CRYBG1: variants seen among roughly 807,000 people sequenced by gnomAD.
CRYBG1 encodes the protein beta/gamma crystallin domain-containing protein 1.
A neutral mutation model predicts 189.2 loss-of-function variants in CRYBG1; 139 were observed. The observed-to-expected ratio is 0.73, with a 90% confidence interval of 0.64 to 0.85. CRYBG1 has a LOEUF of 0.85. Among genes scored for constraint, CRYBG1 ranks in the 40% least tolerant of loss-of-function variants. CRYBG1 has a pLI of 0.00. For synonymous variants in CRYBG1, 1,023 were observed against 1,017.1 expected (o/e 1.01, Z -0.11); for missense variants, 2,611 against 2,675.8 (o/e 0.98, Z 0.53).
chr6:106,548,219 T>G, intron 13 of CRYBG1, among the ~76,000 whole-genome samples: 1 of 152,074 alleles, frequency 6.6e-6, no homozygotes, highest in East Asian at 1.9e-4. Flanking sequence ...GAGCCCCAAG[T>G]GTAAGTTGTA....
intron 2 of CRYBG1, among the ~76,000 whole-genome samples, chr6:106,480,536 A>G (rs936420025): frequency 6.0e-5 from 9 of 151,210 alleles, no homozygotes; most frequent in Admixed American, 5.3e-4. Flanking sequence ...GCATGGTGGC[A>G]TGCACCTGTA....
rs572230369 is a variant in CRYBG1 at position 106,555,070 on chromosome 6, C to A, written c.5586-698C>A. Among the ~76,000 whole-genome samples the A allele has an allele frequency of 2.7e-3, 415 of 151,626 alleles. 4 individuals are homozygous for A. Among genetic ancestry groups the A allele is most frequent in the African/African-American group, 9.6e-3 (395 of 41,286 alleles). On this transcript the variant is annotated intron_variant, in intron 16 of 21. Coordinates refer to ENST00000633556, the MANE Select transcript of CRYBG1 (RefSeq NM_001371242.2). ...GTCCCAGCTACTCAGGAGGATGAGG[C>A]AGAAGAATTGCTTGAACCCAGGAGG...
chr6:106,480,968 CTTTTTT>C lies in CRYBG1; in HGVS notation c.312+29155_312+29160del, dbSNP rs1246958312. ...CCTGGGTGACAGAGTGAGACTCTGT[CTTTTTT>C]TTTTTTTTTTTTTTTTTTAGACGGA... On this transcript the variant is annotated intron_variant, in intron 2 of 21. Coordinates refer to ENST00000633556, the MANE Select transcript of CRYBG1 (RefSeq NM_001371242.2). 2.1e-4 allele frequency among the ~76,000 whole-genome samples: 3 copies of C among 14,118 alleles called. 1 individual carries two copies. Among genetic ancestry groups the C allele is most frequent in the African/African-American group, 3.7e-4 (1 of 2,688 alleles). The allele number at this position is 14,118 out of a possible 152,430, so 9.3% of individuals were successfully genotyped here. A position where few individuals can be genotyped will look rare whatever the true frequency, so the allele number is the denominator to read the frequency against.
chr6:106,524,844 A>G (rs1446439194), intron 4 of CRYBG1, among the ~76,000 whole-genome samples: 1 of 152,238 alleles, frequency 6.6e-6, no homozygotes, highest in Non-Finnish European at 1.5e-5. Flanking sequence ...TATTCTGTGA[A>G]CTGACATGAA....
intron 2 of CRYBG1, among the ~76,000 whole-genome samples, chr6:106,500,315 A>C (rs898731005): frequency 2.0e-5 from 3 of 152,000 alleles, no homozygotes; most frequent in Non-Finnish European, 4.4e-5. Flanking sequence ...ATCCTCATCA[A>C]CACTTATCTT....
In CRYBG1 at chr6:106,543,537, C is replaced by A. The variant is rs572684440; in HGVS notation, c.4979C>A (p.Ala1660Glu). 1 of 1,613,986 alleles carries A rather than the reference C, an allele frequency of 6.2e-7. No individual in the cohort carries two copies. The highest frequency in any genetic ancestry group is 8.5e-7 in the Non-Finnish European group (1 of 1,179,926). ...FVMEGGETEE[A>E]TGDDHLPFTS... ...ATGGAGGGAGGTGAAACAGAAGAGG[C>A]GACTGGAGACGATCATTTGCCGTTT... Residue 1660 changes from alanine to glutamate, a missense_variant, in exon 11 of 22, where the codon GCG (alanine) becomes GAG (glutamate). Physicochemically the swap from Ala to Glu is moderately radical, Grantham distance 107. Transcript: ENST00000633556.
chr6:106,553,162 T>G (rs1202496184), intron 15 of CRYBG1, among the ~76,000 whole-genome samples: 8 of 152,224 alleles, frequency 5.3e-5, no homozygotes, highest in Non-Finnish European at 2.9e-5. Context: ...CTGACCACAA[T>G]AAAGCTTTAA....
At chr6:106,557,691 C>T (rs1269375322) in intron 17 of CRYBG1, among the ~76,000 whole-genome samples, 2 of 152,324 alleles carry the variant, frequency 1.3e-5, no homozygotes, top group Non-Finnish European at 1.5e-5. Context: ...CCTCGGCCTC[C>T]CAAAGTGCTG....
intron 2 of CRYBG1, among the ~76,000 whole-genome samples, 162 bp downstream of exon 2, chr6:106,451,994 A>G (rs1210771489): frequency 2.0e-5 from 3 of 148,340 alleles, no homozygotes; most frequent in Non-Finnish European, 3.0e-5. Flanking sequence ...TATAATATGT[A>G]TTCTGTAATT....
chr6:106,541,099 T>C (rs1465038878), intron 9 of CRYBG1: 1 of 345,246 alleles, frequency 2.9e-6, no homozygotes, highest in African/African-American at 2.2e-5. Context: ...CAAAATCAAA[T>C]ACCTTCAGGG....
At chr6:106,545,575 C>T (rs571508385) in intron 13 of CRYBG1, among the ~76,000 whole-genome samples, 18 of 152,348 alleles carry the variant, frequency 1.2e-4, no homozygotes, top group African/African-American at 4.3e-4. Flanking sequence ...CAAACACTAT[C>T]AGAACTTAGT....
intron 17 of CRYBG1, 126 bp downstream of exon 17, chr6:106,556,023 C>A: frequency 9.3e-7 from 1 of 1,076,510 alleles, no homozygotes; most frequent in Non-Finnish European, 1.4e-6. Flanking sequence ...TGGAACTGTC[C>A]ATTTGGCTCT....
Position 106,512,401 on chromosome 6 carries a change from C to T in CRYBG1, c.1284C>T (p.Thr428=). ...SGRRRGSQKS[T]DSPGADAELP... ...GGCGGAGGGGGTCGCAGAAATCCACCGACTCCCCCGGCGCGGACGCCGAGC... is the reference window on the plus strand; with the variant it reads ...GGCGGAGGGGGTCGCAGAAATCCACTGACTCCCCCGGCGCGGACGCCGAGC... Residue 428 remains threonine (T), a synonymous_variant, in exon 3 of 22, where the codon ACC becomes ACT. Transcript: ENST00000633556. The T allele has an allele frequency of 1.2e-6, 2 of 1,608,902 alleles. No individual in the cohort carries two copies. The highest frequency in any genetic ancestry group is 8.5e-7 in the Non-Finnish European group (1 of 1,178,410).
chr6:106,430,712 C>T (rs56307966), intron 1 of CRYBG1, among the ~76,000 whole-genome samples: 10,301 of 151,876 alleles, frequency 0.068, 436 homozygotes, highest in East Asian at 0.17. Context: ...AGTTTCTTCC[C>T]ATATTATCTC....
intron 3 of CRYBG1, among the ~76,000 whole-genome samples, chr6:106,517,439 CATATATAT>C (rs758727692): frequency 7.3e-6 from 1 of 136,932 alleles, no homozygotes; most frequent in Non-Finnish European, 1.5e-5. Context: ...TACACACACA[CATATATAT>C]ACACACATAT....
At chr6:106,554,339 T>C (rs1209460166) in intron 16 of CRYBG1, among the ~76,000 whole-genome samples, 1 of 152,158 alleles carries the variant, frequency 6.6e-6, no homozygotes, top group Non-Finnish European at 1.5e-5. Context: ...GGAGGCCGGG[T>C]GCAGTGGCTC....
intron 1 of CRYBG1, among the ~76,000 whole-genome samples, chr6:106,433,176 G>GT (rs1379024465): frequency 6.6e-6 from 1 of 151,824 alleles, no homozygotes; most frequent in Non-Finnish European, 1.5e-5. Context: ...ATCGCTCTCT[G>GT]TTTTTACAAA....
At chr6:106,408,596 T>A (rs1344303467) in intron 1 of CRYBG1, among the ~76,000 whole-genome samples, 4 of 152,200 alleles carry the variant, frequency 2.6e-5, no homozygotes, top group Non-Finnish European at 4.4e-5. Flanking sequence ...ATATCCCTGA[T>A]GAACATTGAT....
intron 1 of CRYBG1, among the ~76,000 whole-genome samples, chr6:106,362,971 C>T (rs1196817060): frequency 6.6e-6 from 1 of 151,978 alleles, no homozygotes; most frequent in Non-Finnish European, 1.5e-5. Context: ...GGAGGCCGGG[C>T]GCGGTGGCTC....
Sources: allele counts gnomAD v4.1 joint callset (sites outside exome capture counted in the v4.1 genomes callset), GRCh38; gene constraint gnomAD v4.1.1; transcripts MANE v1.5; gene names NCBI Gene and HGNC (gene_info 2026-07-23, HGNC 2026-07-21).